The following SARDH variants were observed in gnomAD, a reference collection of about 807,000 sequenced individuals.
SARDH encodes sarcosine dehydrogenase.
A neutral mutation model predicts 109.1 loss-of-function variants in SARDH; 95 were observed. The ratio of observed to expected loss-of-function variants is 0.87; its 90% confidence interval spans 0.74 to 1.03. The LOEUF is 1.03. SARDH is among the 50% of genes least tolerant of loss of function. The pLI, the probability that SARDH is intolerant of heterozygous loss-of-function variation, is 0.00. For synonymous variants in SARDH, 572 were observed against 534.8 expected (o/e 1.07, Z -0.96); for missense variants, 1,267 against 1,287.8 (o/e 0.98, Z 0.25).
At chr9:133,681,029 G>T (rs374264104) in intron 17 of SARDH, among the ~76,000 whole-genome samples, 2 of 152,362 alleles carry the variant, frequency 1.3e-5, no homozygotes, top group East Asian at 3.9e-4. Context: ...AAATCTGTGC[G>T]CTAAGGTCGT....
In SARDH at chr9:133,663,684, A is replaced by T; in HGVS notation, c.*205T>A. 1 of 668,562 alleles carries T rather than the reference A, an allele frequency of 1.5e-6. No individual in the cohort carries two copies. Among genetic ancestry groups the T allele is most frequent in the Non-Finnish European group, 2.6e-6 (1 of 388,852 alleles). The allele number at this position is 668,562 out of a possible 1,614,324, so 41.4% of individuals were successfully genotyped here. The stretch of plus-strand genomic sequence containing the variant: ...CTTTCTGGGAGGATTGGGGTGGATT[A>T]GAGACTGCCTTCCAGTCAGTGACCA... On this transcript the variant is annotated 3_prime_UTR_variant, in exon 21 of 21. Coordinates refer to ENST00000439388, the MANE Select transcript of SARDH (RefSeq NM_001134707.2).
chr9:133,721,764 CA>C (rs1242411577), intron 6 of SARDH, among the ~76,000 whole-genome samples: 1 of 152,164 alleles, frequency 6.6e-6, no homozygotes, highest in Non-Finnish European at 1.5e-5. Flanking sequence ...TATACACATG[CA>C]AATACCCCCA....
At chr9:133,722,711 A>G (rs1443089818) in intron 6 of SARDH, among the ~76,000 whole-genome samples, 4 of 141,226 alleles carry the variant, frequency 2.8e-5, no homozygotes, top group Admixed American at 2.8e-4. Context: ...GTCCTGCTCT[A>G]TCGCCCAGGC....
intron 17 of SARDH, among the ~76,000 whole-genome samples, chr9:133,684,107 C>T (rs1157506541): frequency 6.6e-6 from 1 of 152,234 alleles, no homozygotes; most frequent in Non-Finnish European, 1.5e-5. Flanking sequence ...TGGCTTACAG[C>T]CCTGCAAACA....
chr9:133,661,414 C>A (rs909115380), downstream of SARDH, among the ~76,000 whole-genome samples: 1 of 151,910 alleles, frequency 6.6e-6, no homozygotes, highest in African/African-American at 2.4e-5. Flanking sequence ...CAACTTTTCA[C>A]ATGGCCCAAG....
At chr9:133,673,106 G>A (rs1421084782) in intron 17 of SARDH, among the ~76,000 whole-genome samples, 5 of 152,254 alleles carry the variant, frequency 3.3e-5, no homozygotes, top group Admixed American at 1.3e-4. Flanking sequence ...CTCCGCTGAG[G>A]ACAGCTGGTG....
chr9:133,669,785 C>A (rs1252010268), intron 19 of SARDH, among the ~76,000 whole-genome samples: 2 of 152,238 alleles, frequency 1.3e-5, no homozygotes, highest in African/African-American at 4.8e-5. Context: ...CCCCTCTCCC[C>A]CTATCACAGG....
Position 133,671,694 on chromosome 9 carries a change from G to A in SARDH, c.2167C>T (p.Arg723Ter), listed in dbSNP as rs149391396. The part of the protein sequence containing the change: ...KLLRAAGHLV[R>*]AMRLSFVGEL... ...CCCACAAAGGACAGCCGCATGGCTC[G>A]GACCTGGGGGACAAGGTCATGGCTT... Residue 723 changes from arginine to a stop codon, truncating the protein, a stop_gained, in exon 18 of 21, where the codon CGA (arginine) becomes TGA (stop). Coordinates refer to ENST00000439388, the MANE Select transcript of SARDH (RefSeq NM_001134707.2). LOFTEE classifies it high-confidence loss of function. 25 of 1,567,290 alleles carry A rather than the reference G, an allele frequency of 1.6e-5. No individual in the cohort carries two copies. The highest frequency in any genetic ancestry group is 6.8e-5 in the African/African-American group (5 of 73,804).
In SARDH at chr9:133,666,035, G is replaced by GCTGCCCACCCC. The variant is rs1346775598; in HGVS notation, c.2631+689_2631+699dup. On this transcript the variant is annotated intron_variant, in intron 20 of 20. Coordinates refer to ENST00000439388, the MANE Select transcript of SARDH (RefSeq NM_001134707.2). This position sits in a 1 kb window ranked among gnomAD's most constrained non-coding sequence, Gnocchi z 5.2. ...GACCACCCCTTCCCCTTCTGGGGAGGCTGCCCACCCCCTGCCCCACCACCC... is the reference window on the plus strand; with the variant it reads ...GACCACCCCTTCCCCTTCTGGGGAGGCTGCCCACCCCCTGCCCACCCCCTGCCCCACCACCC... Among the ~76,000 whole-genome samples, 1 of 152,172 alleles carries GCTGCCCACCCC rather than the reference G, an allele frequency of 6.6e-6. No individual in the cohort carries two copies. Among genetic ancestry groups the GCTGCCCACCCC allele is most frequent in the East Asian group, 1.9e-4 (1 of 5,174 alleles).
upstream of SARDH, chr9:133,738,402 GGAT>G (rs1346482676): frequency 6.6e-6 from 1 of 152,016 alleles, no homozygotes; most frequent in Non-Finnish European, 1.5e-5. Context: ...TCTCCGCCCA[GGAT>G]CTGGGCGGAG....
Position 133,692,485 on chromosome 9 carries a change from C to T in SARDH, c.1921+1773G>A, listed in dbSNP as rs1284843835. 6.6e-6 allele frequency among the ~76,000 whole-genome samples: 1 copy of T among 152,170 alleles called. No individual in the cohort carries two copies. Among genetic ancestry groups the T allele is most frequent in the African/African-American group, 2.4e-5 (1 of 41,432 alleles). The stretch of plus-strand genomic sequence containing the variant: ...TCACACTGGTTCTCACCTCTACACC[C>T]TTGTAGCCAGTGGCTCCTCCCCATC... On this transcript the variant is annotated intron_variant, in intron 15 of 20. Coordinates refer to ENST00000439388, the MANE Select transcript of SARDH (RefSeq NM_001134707.2). The surrounding 1 kb of genome is among the most constrained non-coding windows in gnomAD (Gnocchi z 5.0).
chr9:133,680,728 G>A (rs1329966273), intron 17 of SARDH, among the ~76,000 whole-genome samples: 1 of 151,754 alleles, frequency 6.6e-6, no homozygotes, highest in Non-Finnish European at 1.5e-5. Flanking sequence ...GGCCACAGTC[G>A]TCCTCCAGAC....
At position 133,734,153 on chromosome 9, in the gene SARDH, G is replaced by A. The variant is rs1832785999; in HGVS notation, c.21C>T (p.Ala7=). ...GAGGGTGGGCAGCAGCCACACGTAGGGCTCGGCTCAGTGAGGCCATGGGGG... is the reference window on the plus strand; with the variant it reads ...GAGGGTGGGCAGCAGCCACACGTAGAGCTCGGCTCAGTGAGGCCATGGGGG... The part of the protein sequence containing the change: MASLSR[A]LRVAAAHPRQ... Residue 7 remains alanine (A), a synonymous_variant, in exon 2 of 21, where the codon GCC becomes GCT. Transcript: ENST00000439388. The A allele has an allele frequency of 3.1e-6, 5 of 1,601,016 alleles. No individual in the cohort carries two copies. Among genetic ancestry groups the A allele is most frequent in the Non-Finnish European group, 4.3e-6 (5 of 1,173,982 alleles).
intron 17 of SARDH, 104 bp downstream of exon 17, chr9:133,685,089 G>T: frequency 2.1e-6 from 2 of 945,538 alleles, no homozygotes; most frequent in Non-Finnish European, 3.2e-6. Context: ...GCCCAGGGAG[G>T]CAAAGGAACC....
In SARDH at chr9:133,670,686, G is replaced by A. The variant is rs778121669; in HGVS notation, c.2393C>T (p.Thr798Ile). ...DSPLEAGLAF[T>I]CKLKSPVPFL... The stretch of plus-strand genomic sequence containing the variant: ...GGGCACCGGCGACTTGAGCTTGCAG[G>A]TGAAGGCCAGGCCTGCCTCCAGGGG... Residue 798 changes from threonine (T) to isoleucine (I), a missense_variant, in exon 19 of 21, where the codon ACC becomes ATC. Physicochemically the swap from Thr to Ile is moderately conservative, Grantham distance 89 (BLOSUM62 -1). Transcript: ENST00000439388. The A allele has an allele frequency of 3.1e-6, 5 of 1,608,088 alleles. No homozygotes were observed. The highest frequency in any genetic ancestry group is 4.2e-6 in the Non-Finnish European group (5 of 1,178,130).
chr9:133,663,431 C>T (rs531680073), downstream of SARDH: 1 of 237,696 alleles, frequency 4.2e-6, no homozygotes, highest in East Asian at 6.0e-5. Flanking sequence ...CTGTGGCAGA[C>T]AATGCCAGTC....
At chr9:133,738,087 C>T (rs909011599) in intron 1 of SARDH, among the ~76,000 whole-genome samples, 167 bp downstream of exon 1, 4 of 151,662 alleles carry the variant, frequency 2.6e-5, no homozygotes, top group African/African-American at 7.2e-5. Flanking sequence ...CGGCAGGGGG[C>T]GGGGAGGCAG....
Position 133,667,194 on chromosome 9 carries a change from G to GGT in SARDH, c.2496-325_2496-324insAC, listed in dbSNP as rs1564225742. 11 of 322,256 alleles carry GGT rather than the reference G, an allele frequency of 3.4e-5. 4 individuals carry two copies. Among genetic ancestry groups the GGT allele is most frequent in the East Asian group, 5.1e-5 (1 of 19,782 alleles). 20.0% of individuals were successfully genotyped at this position (322,256 alleles called of 1,614,324 possible). The stretch of plus-strand genomic sequence containing the variant: ...TTCCTTCCATTGTTGTTCAACTCTG[G>GGT]TTTTTTTTTTTTTTTTTTTTTTGGT... On this transcript the variant is annotated intron_variant, in intron 19 of 20. Transcript: ENST00000439388.
At chr9:133,706,176 A>G (rs1344252482) in intron 11 of SARDH, among the ~76,000 whole-genome samples, 2 of 152,244 alleles carry the variant, frequency 1.3e-5, no homozygotes, top group Non-Finnish European at 2.9e-5. Flanking sequence ...ACTGAGCTCT[A>G]TGCGCAACCA....
Sources: allele counts gnomAD v4.1 joint callset (sites outside exome capture counted in the v4.1 genomes callset), GRCh38; gene constraint gnomAD v4.1.1; non-coding constraint Gnocchi (gnomAD v3.1); transcripts MANE v1.5; gene names NCBI Gene and HGNC (gene_info 2026-07-23, HGNC 2026-07-21).